Variants in FHIT observed in about 807,000 individuals in gnomAD.
FHIT encodes the protein fragile histidine triad diadenosine triphosphatase, also known as bis(5'-adenosyl)-triphosphatase.
A neutral mutation model predicts 17.9 loss-of-function variants in FHIT; 19 were observed. That is an observed-to-expected ratio of 1.06 (90% CI 0.74 to 1.56). The LOEUF (loss-of-function observed/expected upper bound fraction) is 1.56. Ranked by LOEUF, FHIT falls within the 40% of genes most tolerant of loss-of-function variation. The probability of loss-of-function intolerance (pLI) is 0.00; values close to 1 mark genes in which losing one functional copy is unlikely to be tolerated. For synonymous variants in FHIT, 81 were observed against 69.7 expected (o/e 1.16, Z -0.81); for missense variants, 248 against 189.2 (o/e 1.31, Z -1.82).
chr3:60,231,186 T>C (rs1338208360), intron 5 of FHIT, among the ~76,000 whole-genome samples: 1 of 152,218 alleles, frequency 6.6e-6, no homozygotes, highest in Non-Finnish European at 1.5e-5. Context: ...TTTGCAGATA[T>C]ATTATTCTCC....
At chr3:61,218,774 C>T (rs1244476418) in intron 1 of FHIT, among the ~76,000 whole-genome samples, 5 of 152,104 alleles carry the variant, frequency 3.3e-5, no homozygotes, top group African/African-American at 1.2e-4. Flanking sequence ...ACTACTTTAT[C>T]GTGTGTTTAT....
intron 3 of FHIT, among the ~76,000 whole-genome samples, chr3:60,851,753 T>C (rs1359196230): frequency 6.6e-6 from 1 of 152,172 alleles, no homozygotes; most frequent in Non-Finnish European, 1.5e-5. Context: ...GATTATTATA[T>C]TCAGGGAAGT....
intron 5 of FHIT, among the ~76,000 whole-genome samples, chr3:60,533,777 G>A (rs975710313): frequency 6.6e-5 from 10 of 152,116 alleles, no homozygotes; most frequent in African/African-American, 2.4e-4. Flanking sequence ...GTACAATGAA[G>A]GTCCTTAAAA....
intron 5 of FHIT, among the ~76,000 whole-genome samples, chr3:60,406,931 C>T (rs556760472): frequency 7.2e-5 from 11 of 152,148 alleles, no homozygotes; most frequent in African/African-American, 2.7e-4. Context: ...TTCTTTAAAT[C>T]GTGGTGTCCT....
chr3:60,013,556 C>T (rs1380278386), intron 6 of FHIT, among the ~76,000 whole-genome samples: 1 of 152,196 alleles, frequency 6.6e-6, no homozygotes, highest in Admixed American at 6.5e-5. Flanking sequence ...AATCTAGCTT[C>T]TAACTAATCT....
At chr3:60,824,924 A>G (rs73109686) in intron 3 of FHIT, among the ~76,000 whole-genome samples, 7,481 of 152,290 alleles carry the variant, frequency 0.049, 229 homozygotes, top group South Asian at 0.11. Flanking sequence ...AATCTCCAGT[A>G]TGTCTTTATC....
chr3:60,021,236 G>T (rs1304487632), intron 5 of FHIT, among the ~76,000 whole-genome samples: 2 of 152,142 alleles, frequency 1.3e-5, no homozygotes, highest in Non-Finnish European at 2.9e-5. Context: ...ATGAGACCTT[G>T]TTCATCTGGA....
At chr3:60,201,889 A>G (rs981161594) in intron 5 of FHIT, among the ~76,000 whole-genome samples, 2 of 151,772 alleles carry the variant, frequency 1.3e-5, no homozygotes, top group Non-Finnish European at 2.9e-5. Flanking sequence ...TCTTGATTGA[A>G]TTTTGTTACA....
intron 8 of FHIT, among the ~76,000 whole-genome samples, chr3:59,867,669 G>T (rs1702715647): frequency 6.6e-6 from 1 of 151,778 alleles, no homozygotes; most frequent in Non-Finnish European, 1.5e-5. Flanking sequence ...CAGCTTTTTG[G>T]TATGCCTTAG....
Position 60,669,241 on chromosome 3 carries a change from T to C in FHIT, c.-17-132262A>G, listed in dbSNP as rs1217654781. Among the ~76,000 whole-genome samples, 3 of 152,214 alleles carry C rather than the reference T, an allele frequency of 2.0e-5. No homozygotes were observed. The East Asian group carries it at 5.8e-4, about 29-fold the overall frequency. On this transcript the variant is annotated intron_variant, in intron 4 of 9. Transcript: ENST00000492590. Reference sequence around the variant, plus strand: ...GTTAAAAGAGTGGTTGTTGGTAGAATGTAAACATGACTTATAAGTGTTCAT... The same window carrying C: ...GTTAAAAGAGTGGTTGTTGGTAGAACGTAAACATGACTTATAAGTGTTCAT...
intron 7 of FHIT, among the ~76,000 whole-genome samples, chr3:59,939,309 C>T (rs903037593): frequency 6.6e-6 from 1 of 152,082 alleles, no homozygotes; most frequent in East Asian, 1.9e-4. Context: ...ACAGACTGGC[C>T]ATTAACAGAA....
At chr3:60,071,981 C>A (rs763225021) in intron 5 of FHIT, among the ~76,000 whole-genome samples, 146 of 152,188 alleles carry the variant, frequency 9.6e-4, no homozygotes, top group African/African-American at 2.8e-3. Context: ...CTTCCTCAGC[C>A]ACGTGGAACT....
At chr3:60,121,946 T>G (rs1705276588) in intron 5 of FHIT, among the ~76,000 whole-genome samples, 1 of 152,176 alleles carries the variant, frequency 6.6e-6, no homozygotes, top group South Asian at 2.1e-4. Flanking sequence ...TTTATTTCAC[T>G]CTTTGCTCAA....
chr3:60,703,430 T>C (rs1342753813), intron 4 of FHIT, among the ~76,000 whole-genome samples: 2 of 152,240 alleles, frequency 1.3e-5, no homozygotes, highest in Non-Finnish European at 2.9e-5. Context: ...GCATATGTTG[T>C]ATAATCAAAT....
chr3:60,683,587 A>G (rs2040800086), intron 4 of FHIT, among the ~76,000 whole-genome samples: 1 of 152,160 alleles, frequency 6.6e-6, no homozygotes, highest in Admixed American at 6.5e-5. Context: ...CACAACTTTT[A>G]TATTCACTGG....
intron 3 of FHIT, among the ~76,000 whole-genome samples, chr3:60,861,492 C>T (rs1385510572): frequency 5.3e-5 from 8 of 151,426 alleles, no homozygotes; most frequent in African/African-American, 1.9e-4. Flanking sequence ...GCCATGACAA[C>T]CAAAAATGTC....
At chr3:60,358,370 T>C (rs965640491) in intron 5 of FHIT, among the ~76,000 whole-genome samples, 3 of 152,142 alleles carry the variant, frequency 2.0e-5, no homozygotes, top group African/African-American at 7.2e-5. Flanking sequence ...TTGCCATGAA[T>C]TGAAACCAAG....
At chr3:60,575,718 A>G (rs782566074) in intron 4 of FHIT, among the ~76,000 whole-genome samples, 15 of 152,200 alleles carry the variant, frequency 9.9e-5, no homozygotes, top group Non-Finnish European at 2.2e-4. Context: ...TACTGCTCCT[A>G]TAAGTTAAGA....
At chr3:59,809,982 C>T (rs187267788) in intron 8 of FHIT, among the ~76,000 whole-genome samples, 1 of 152,148 alleles carries the variant, frequency 6.6e-6, no homozygotes, top group African/African-American at 2.4e-5. Context: ...CTAGGGGATA[C>T]GTCAGTTTTG....
Sources: gnomAD v4.1 joint callset for allele counts (sites outside exome capture counted in the v4.1 genomes callset) on GRCh38, gnomAD v4.1.1 for gene constraint, MANE v1.5 for transcripts, NCBI Gene and HGNC (gene_info 2026-07-23, HGNC 2026-07-21) for gene names.